The following SMOC2 variants were observed in gnomAD, a reference collection of about 807,000 sequenced individuals.
SMOC2 encodes SPARC-related modular calcium-binding protein 2.
SMOC2 carries 39 observed loss-of-function variants against 61.4 expected under a neutral mutation model. The observed-to-expected ratio is 0.64, with a 90% CI of 0.49 to 0.83. The LOEUF (loss-of-function observed/expected upper bound fraction) is 0.83. Among genes scored for constraint, SMOC2 ranks in the 40% least tolerant of loss-of-function variants. The probability of loss-of-function intolerance (pLI) is 0.00; values close to 1 mark genes in which losing one functional copy is unlikely to be tolerated. For synonymous variants in SMOC2, 247 were observed against 239.9 expected (o/e 1.03, Z -0.27); for missense variants, 556 against 592.9 (o/e 0.94, Z 0.65).
At chr6:168,617,652 T>C (rs7761593) in intron 9 of SMOC2, among the ~76,000 whole-genome samples, 39,162 of 152,100 alleles carry the variant, frequency 0.26, 5,169 homozygotes, top group Non-Finnish European at 0.27. Context: ...AGTTTCCAAA[T>C]AGACTGTAAG....
At chr6:168,538,307 C>G (rs1159295877) in intron 4 of SMOC2, among the ~76,000 whole-genome samples, 99 of 102,422 alleles carry the variant, frequency 9.7e-4, no homozygotes, top group Middle Eastern at 9.8e-3. Context: ...TGGGGTGACC[C>G]CTGCTGGAAT....
intron 7 of SMOC2, among the ~76,000 whole-genome samples, chr6:168,573,739 C>G (rs895290989): frequency 6.6e-6 from 1 of 152,216 alleles, no homozygotes; most frequent in African/African-American, 2.4e-5. Flanking sequence ...CCCGCCTCCC[C>G]ACCCTGCAGG....
At chr6:168,622,357 G>A (rs1044557479) in intron 9 of SMOC2, among the ~76,000 whole-genome samples, 11 of 151,890 alleles carry the variant, frequency 7.2e-5, no homozygotes, top group African/African-American at 2.7e-4. Context: ...GCCTGTTCTG[G>A]CTTGGGAGGC....
chr6:168,590,728 G>T lies in SMOC2; in HGVS notation c.638-8090G>T, dbSNP rs182644352. ...AGGCGTCGTCATACTGAATCAAGTAGACTTCATTTAATGAAATAATTATTT... is the reference window on the plus strand; with the variant it reads ...AGGCGTCGTCATACTGAATCAAGTATACTTCATTTAATGAAATAATTATTT... On this transcript the variant is annotated intron_variant, in intron 7 of 12. Coordinates refer to ENST00000356284, the MANE Select transcript of SMOC2 (RefSeq NM_001166412.2). 5.0e-4 allele frequency among the ~76,000 whole-genome samples: 76 copies of T among 152,266 alleles called. 1 individual carries two copies. The highest frequency in any genetic ancestry group is 1.8e-3 in the African/African-American group (74 of 41,528).
chr6:168,441,484 C>A, intron 1 of SMOC2, 30 bp downstream of exon 1: 2 of 1,477,596 alleles, frequency 1.4e-6, no homozygotes, highest in South Asian at 1.3e-5. Flanking sequence ...ACCTGGAGCT[C>A]AAGTGGTGCC....
intron 5 of SMOC2, 87 bp from the exon 6 acceptor site, chr6:168,547,031 AG>A: frequency 3.3e-6 from 5 of 1,517,352 alleles, no homozygotes; most frequent in Non-Finnish European, 4.6e-6. Context: ...ACTGAGTGCA[AG>A]TCCTCAGCAT....
At chr6:168,546,991 T>C in intron 5 of SMOC2, 128 bp from the exon 6 acceptor site, 2 of 1,082,324 alleles carry the variant, frequency 1.8e-6, no homozygotes, top group Non-Finnish European at 2.9e-6. Context: ...TGGGTCTGTG[T>C]GGGGTTGCTG....
At chr6:168,528,552 G>A (rs1187098883) in intron 4 of SMOC2, among the ~76,000 whole-genome samples, 1 of 152,132 alleles carries the variant, frequency 6.6e-6, no homozygotes, top group East Asian at 1.9e-4. Flanking sequence ...TTCTGTTTAA[G>A]GGATATATAT....
At chr6:168,596,591 C>T (rs548539547) in intron 7 of SMOC2, among the ~76,000 whole-genome samples, 6 of 152,230 alleles carry the variant, frequency 3.9e-5, no homozygotes, top group African/African-American at 7.2e-5. Context: ...TGCTGCTCTC[C>T]GGAGGCGCAG....
At chr6:168,515,448 G>A (rs1256247876) in intron 2 of SMOC2, among the ~76,000 whole-genome samples, 5 of 38,386 alleles carry the variant, frequency 1.3e-4, no homozygotes, top group Non-Finnish European at 2.5e-4. Context: ...GAGAGGCTCC[G>A]TCCGCTTTCC....
chr6:168,497,986 T>C (rs1244109904), intron 1 of SMOC2, among the ~76,000 whole-genome samples: 1 of 152,188 alleles, frequency 6.6e-6, no homozygotes, highest in African/African-American at 2.4e-5. Flanking sequence ...TTTGTCGTAC[T>C]TTTAACTCAC....
chr6:168,667,042 T>G lies in SMOC2; in HGVS notation c.*604T>G, dbSNP rs1159770340. On this transcript the variant is annotated 3_prime_UTR_variant, in exon 13 of 13. Transcript: ENST00000356284. ...CCTGGAGGAAATAATATTTTCAAACTGTCGTTGGTGTGATACTTTGGCTCA... is the reference window on the plus strand; with the variant it reads ...CCTGGAGGAAATAATATTTTCAAACGGTCGTTGGTGTGATACTTTGGCTCA... The G allele has an allele frequency of 6.6e-6, 1 of 152,430 alleles. No individual in the cohort carries two copies. The highest frequency in any genetic ancestry group is 1.9e-4 in the East Asian group (1 of 5,198). 9.4% of individuals were successfully genotyped at this position (152,430 alleles called of 1,614,324 possible).
At chr6:168,563,890 G>C (rs1270032923) in intron 7 of SMOC2, among the ~76,000 whole-genome samples, 1 of 152,078 alleles carries the variant, frequency 6.6e-6, no homozygotes, top group Non-Finnish European at 1.5e-5. Flanking sequence ...GCAGAGCTCT[G>C]CGTCTCCGGC....
chr6:168,614,086 G>A (rs553303926), intron 9 of SMOC2, among the ~76,000 whole-genome samples: 17 of 97,318 alleles, frequency 1.7e-4, no homozygotes, highest in African/African-American at 7.4e-4. Context: ...GCCAGCACAG[G>A]GCCTCTTCAT....
chr6:168,613,370 C>T (rs577090490), intron 9 of SMOC2, among the ~76,000 whole-genome samples: 22 of 152,250 alleles, frequency 1.4e-4, no homozygotes, highest in African/African-American at 3.1e-4. Context: ...ACAGAGGGGG[C>T]GGCATGAGGA....
At chr6:168,660,998 C>T (rs548204344) in intron 11 of SMOC2, among the ~76,000 whole-genome samples, 43 of 152,262 alleles carry the variant, frequency 2.8e-4, no homozygotes, top group Middle Eastern at 3.4e-3. Flanking sequence ...TATGATCGCT[C>T]CTAGCAAAAT....
chr6:168,447,446 G>T (rs927610554), intron 1 of SMOC2, among the ~76,000 whole-genome samples: 7 of 152,134 alleles, frequency 4.6e-5, no homozygotes, highest in African/African-American at 1.7e-4. Context: ...CACCAGCTGA[G>T]ACTCCCTGAA....
intron 9 of SMOC2, among the ~76,000 whole-genome samples, chr6:168,616,559 G>A (rs1182887319): frequency 6.6e-6 from 1 of 152,194 alleles, no homozygotes; most frequent in Non-Finnish European, 1.5e-5. Flanking sequence ...GGCACCACTT[G>A]GAAGAGAGAG....
intron 9 of SMOC2, among the ~76,000 whole-genome samples, chr6:168,629,906 C>T (rs1262888430): frequency 1.3e-5 from 2 of 152,188 alleles, no homozygotes; most frequent in Admixed American, 6.5e-5. Context: ...ACTTACATTC[C>T]CTTTCAAAGC....
Sources: gnomAD v4.1 joint callset for allele counts (sites outside exome capture counted in the v4.1 genomes callset) on GRCh38, gnomAD v4.1.1 for gene constraint, MANE v1.5 for transcripts, NCBI Gene and HGNC (gene_info 2026-07-23, HGNC 2026-07-21) for gene names.